The following ANXA13 variants were observed in gnomAD, a reference collection of about 807,000 sequenced individuals.
ANXA13 encodes annexin A13.
In ANXA13, 36 loss-of-function variants were observed where a neutral mutation model predicts 46.6. That is an observed-to-expected ratio of 0.77 (90% CI 0.59 to 1.02). The LOEUF (loss-of-function observed/expected upper bound fraction) is 1.02, where lower values mean the gene tolerates loss of function less well. Ranked by LOEUF, ANXA13 falls within the 50% of genes least tolerant of loss-of-function variation. The pLI is 0.00. For synonymous variants in ANXA13, 163 were observed against 152.9 expected (o/e 1.07, Z -0.49); for missense variants, 417 against 396.5 (o/e 1.05, Z -0.44).
chr8:123,687,247 A>G (rs1813157441), intron 9 of ANXA13, among the ~76,000 whole-genome samples: 1 of 152,160 alleles, frequency 6.6e-6, no homozygotes. Context: ...GATTCTCACA[A>G]TGCAGGTATA....
intron 4 of ANXA13, 107 bp downstream of exon 4, chr8:123,698,282 C>T: frequency 8.0e-7 from 1 of 1,251,906 alleles, no homozygotes; most frequent in Non-Finnish European, 1.1e-6. Context: ...CCCCAGACAC[C>T]TGCTCAGTCC....
intron 4 of ANXA13, among the ~76,000 whole-genome samples, chr8:123,697,002 C>T (rs1221581084): frequency 2.0e-5 from 3 of 152,214 alleles, no homozygotes; most frequent in Non-Finnish European, 2.9e-5. Flanking sequence ...CTCCGCCTCC[C>T]GGGTTCAAGC....
At chr8:123,715,223 C>A (rs754537672) in intron 1 of ANXA13, among the ~76,000 whole-genome samples, 1 of 152,186 alleles carries the variant, frequency 6.6e-6, no homozygotes, top group African/African-American at 2.4e-5. Flanking sequence ...AATATGGTAA[C>A]ATCAGAGTAT....
At chr8:123,725,209 G>A (rs925568261) in intron 1 of ANXA13, among the ~76,000 whole-genome samples, 4 of 152,142 alleles carry the variant, frequency 2.6e-5, no homozygotes, top group East Asian at 1.9e-4. Flanking sequence ...ATTAAAAAGT[G>A]CGTATTTAAA....
intron 1 of ANXA13, among the ~76,000 whole-genome samples, chr8:123,721,472 G>C (rs574789890): frequency 6.6e-6 from 1 of 152,288 alleles, no homozygotes; most frequent in South Asian, 2.1e-4. Context: ...TGTATCAAGA[G>C]CGCTTGGCAG....
At chr8:123,717,562 TA>T (rs1813778992) in intron 1 of ANXA13, among the ~76,000 whole-genome samples, 2 of 152,370 alleles carry the variant, frequency 1.3e-5, no homozygotes, top group East Asian at 3.9e-4. Context: ...ATTTATCTTA[TA>T]ATGCCCAAGC....
intron 8 of ANXA13, among the ~76,000 whole-genome samples, chr8:123,691,050 T>C (rs1180330082): frequency 1.3e-5 from 2 of 152,358 alleles, no homozygotes; most frequent in East Asian, 3.9e-4. Context: ...GTAATAATCC[T>C]GCATGATGCA....
intron 1 of ANXA13, among the ~76,000 whole-genome samples, chr8:123,733,233 AT>A (rs1814162500): frequency 6.7e-6 from 1 of 149,818 alleles, no homozygotes; most frequent in South Asian, 2.1e-4. Flanking sequence ...TAAGGATCTT[AT>A]TTATTTATTT....
chr8:123,706,363 C>T (rs1309718921), intron 2 of ANXA13, among the ~76,000 whole-genome samples: 2 of 152,246 alleles, frequency 1.3e-5, no homozygotes, highest in Non-Finnish European at 2.9e-5. Context: ...CAGACGAGGG[C>T]CTTGGCCTCT....
intron 1 of ANXA13, among the ~76,000 whole-genome samples, chr8:123,734,839 A>G (rs1814220366): frequency 6.6e-6 from 1 of 150,588 alleles, no homozygotes; most frequent in Non-Finnish European, 1.5e-5. Flanking sequence ...TTGTGTTTGT[A>G]TTTACGATTG....
intron 2 of ANXA13, 89 bp downstream of exon 2, chr8:123,712,589 G>A: frequency 1.8e-6 from 2 of 1,135,844 alleles, no homozygotes; most frequent in Non-Finnish European, 2.7e-6. Context: ...ATAGTGAGAT[G>A]TCAGCTTCCT....
At chr8:123,687,625 AT>A (rs1563604694) in intron 9 of ANXA13, among the ~76,000 whole-genome samples, 1 of 152,190 alleles carries the variant, frequency 6.6e-6, no homozygotes, top group East Asian at 1.9e-4. Context: ...AATTGCTGAC[AT>A]TGTTCAAAAA....
intron 5 of ANXA13, 38 bp from the exon 6 acceptor site, chr8:123,695,619 G>T: frequency 6.2e-7 from 1 of 1,609,512 alleles, no homozygotes; most frequent in Non-Finnish European, 8.5e-7. Flanking sequence ...GAAAGCAGAT[G>T]ATTTAGTTTC....
chr8:123,688,150 A>G (rs1813172830), intron 9 of ANXA13, among the ~76,000 whole-genome samples: 1 of 152,136 alleles, frequency 6.6e-6, no homozygotes, highest in Non-Finnish European at 1.5e-5. Flanking sequence ...TATAGCTCCC[A>G]CAATTCCCAC....
intron 9 of ANXA13, among the ~76,000 whole-genome samples, chr8:123,687,676 G>A (rs896975146): frequency 1.3e-5 from 2 of 152,232 alleles, no homozygotes; most frequent in Admixed American, 1.3e-4. Flanking sequence ...GGCAACTGGA[G>A]CACATTTTTT....
intron 1 of ANXA13, among the ~76,000 whole-genome samples, chr8:123,717,352 C>T (rs1813776045): frequency 6.6e-6 from 1 of 152,188 alleles, no homozygotes; most frequent in African/African-American, 2.4e-5. Flanking sequence ...TGGGTCATTT[C>T]TTGGCTTTTT....
intron 8 of ANXA13, among the ~76,000 whole-genome samples, chr8:123,691,801 C>T (rs1200010160): frequency 6.6e-6 from 1 of 152,146 alleles, no homozygotes; most frequent in Admixed American, 6.5e-5. Context: ...TAAACAAATT[C>T]TCAAGTGATG....
Position 123,705,128 on chromosome 8 carries a change from C to T in ANXA13, c.92-2392G>A, listed in dbSNP as rs1306971258. Among the ~76,000 whole-genome samples, 3 of 152,170 alleles carry T rather than the reference C, an allele frequency of 2.0e-5. No individual in the cohort carries two copies. The East Asian group carries it at 5.8e-4, about 29-fold the overall frequency. On this transcript the variant is annotated intron_variant, in intron 2 of 10. Transcript: ENST00000419625. ...AAATCCAAAGTCACCTTTGAGGGCC[C>T]ATCAGTCTTTTTTACTCTCAAATAC... is the stretch of plus-strand genomic sequence containing the variant.
intron 1 of ANXA13, among the ~76,000 whole-genome samples, chr8:123,714,944 C>G (rs1813734080): frequency 6.6e-6 from 1 of 152,234 alleles, no homozygotes; most frequent in South Asian, 2.1e-4. Context: ...GAACCCAGCT[C>G]AATTTGCCTC....
Sources: allele counts gnomAD v4.1 joint callset (sites outside exome capture counted in the v4.1 genomes callset), GRCh38; gene constraint gnomAD v4.1.1; transcripts MANE v1.5; gene names NCBI Gene and HGNC (gene_info 2026-07-23, HGNC 2026-07-21).